NRXN1: variants seen among roughly 807,000 people sequenced by gnomAD.
NRXN1 encodes the protein neurexin-1.
NRXN1 carries 39 observed loss-of-function variants against 150.9 expected under a neutral mutation model. That is an observed-to-expected ratio of 0.26 (90% CI 0.20 to 0.34). NRXN1 has a LOEUF of 0.34. Ranked by LOEUF, NRXN1 falls within the 10% of genes least tolerant of loss-of-function variation. NRXN1 has a pLI of 1.00. For missense variants in NRXN1, 1,815 were observed against 1,949.9 expected (o/e 0.93, Z 1.30); for synonymous variants, 924 against 757.0 (o/e 1.22, Z -3.62).
At chr2:50,841,289 T>C (rs952580726) in intron 5 of NRXN1, 10 of 152,538 alleles carry the variant, frequency 6.6e-5, no homozygotes, top group South Asian at 2.1e-4. Flanking sequence ...CACAGCTTTA[T>C]TGTTGAAGGA....
intron 2 of NRXN1, chr2:51,026,560 G>C: frequency 1.3e-6 from 1 of 799,442 alleles, no homozygotes; most frequent in Non-Finnish European, 2.1e-6. Context: ...TTACAACTTG[G>C]CCTCCACTAC....
chr2:50,635,686 C>T (rs1255076116), intron 5 of NRXN1, among the ~76,000 whole-genome samples: 1 of 152,186 alleles, frequency 6.6e-6, no homozygotes, highest in Admixed American at 6.5e-5. Context: ...AAGCTAACCT[C>T]TTCATTAACA....
At position 49,986,617 on chromosome 2, in the gene NRXN1, A is replaced by G. The variant is rs530213750; in HGVS notation, c.4129-42826T>C. On this transcript the variant is annotated intron_variant, in intron 21 of 22. Transcript: ENST00000401669. Reference sequence around the variant, plus strand: ...TTTTTTCTTTTTTTGTTGACATATAATAACTACATATTTATGAGATACAGA... The same window carrying G: ...TTTTTTCTTTTTTTGTTGACATATAGTAACTACATATTTATGAGATACAGA... Among the ~76,000 whole-genome samples, 135 of 152,332 alleles carry G rather than the reference A, an allele frequency of 8.9e-4. No homozygotes were observed. In the Middle Eastern group the frequency reaches 0.02, roughly 23 times the overall value.
intron 5 of NRXN1, among the ~76,000 whole-genome samples, chr2:50,722,195 A>G (rs185069655): frequency 1.3e-5 from 2 of 152,268 alleles, no homozygotes; most frequent in East Asian, 1.9e-4. Flanking sequence ...CATTTACTGC[A>G]TTATTTCTAG....
chr2:50,532,509 C>T (rs2093144253), intron 10 of NRXN1, among the ~76,000 whole-genome samples: 2 of 152,152 alleles, frequency 1.3e-5, no homozygotes, highest in Non-Finnish European at 2.9e-5. Context: ...TTTACAAAGG[C>T]TTCCTTTTAA....
chr2:49,938,600 T>G (rs1199164205), intron 22 of NRXN1, among the ~76,000 whole-genome samples: 1 of 152,176 alleles, frequency 6.6e-6, no homozygotes, highest in East Asian at 1.9e-4. Flanking sequence ...TTTAATTGAT[T>G]TGAGAGTGGC....
intron 13 of NRXN1, among the ~76,000 whole-genome samples, chr2:50,501,465 T>C (rs954337519): frequency 1.3e-5 from 2 of 150,148 alleles, no homozygotes; most frequent in Non-Finnish European, 3.0e-5. Flanking sequence ...GAGAGTGAAC[T>C]AGGGCAGTTA....
At chr2:50,916,991 T>C (rs1685299429) in intron 5 of NRXN1, 1 of 151,710 alleles carries the variant, frequency 6.6e-6, no homozygotes, top group East Asian at 1.9e-4. Flanking sequence ...GAATTCTAAA[T>C]AGTCACATAG....
intron 21 of NRXN1, among the ~76,000 whole-genome samples, chr2:50,024,609 C>T (rs907685502): frequency 6.6e-6 from 1 of 151,874 alleles, no homozygotes; most frequent in Non-Finnish European, 1.5e-5. Context: ...AGCTTTGTCA[C>T]CAGAGTAATT....
chr2:50,666,828 G>A (rs994739650), intron 5 of NRXN1, among the ~76,000 whole-genome samples: 2 of 147,732 alleles, frequency 1.4e-5, no homozygotes, highest in South Asian at 2.2e-4. Context: ...CCAAGTTCCA[G>A]AGCATAAAAT....
At chr2:50,393,369 G>T (rs2081863246) in intron 17 of NRXN1, among the ~76,000 whole-genome samples, 1 of 151,970 alleles carries the variant, frequency 6.6e-6, no homozygotes, top group Non-Finnish European at 1.5e-5. Flanking sequence ...TTATCTGCTT[G>T]CTGAAATTTG....
At chr2:50,361,902 C>T (rs1463150770) in intron 17 of NRXN1, among the ~76,000 whole-genome samples, 2 of 152,234 alleles carry the variant, frequency 1.3e-5, no homozygotes, top group East Asian at 1.9e-4. Flanking sequence ...TTATCCACCA[C>T]GATCAAGTCA....
intron 9 of NRXN1, among the ~76,000 whole-genome samples, chr2:50,551,023 A>C (rs943055092): frequency 1.8e-4 from 18 of 97,960 alleles, no homozygotes; most frequent in Middle Eastern, 5.0e-3. Flanking sequence ...AGGAAGAGGA[A>C]GAGGAAGAGG....
At chr2:50,778,090 C>T (rs569475120) in intron 5 of NRXN1, among the ~76,000 whole-genome samples, 38 of 152,122 alleles carry the variant, frequency 2.5e-4, no homozygotes, top group African/African-American at 8.7e-4. Flanking sequence ...TACACTTGAT[C>T]AGCTTCAGAG....
At chr2:50,046,779 G>A (rs1691873038) in intron 21 of NRXN1, among the ~76,000 whole-genome samples, 3 of 152,076 alleles carry the variant, frequency 2.0e-5, no homozygotes, top group African/African-American at 4.8e-5. Context: ...TATGCATAGT[G>A]CCCCAACATC....
chr2:50,131,846 T>G (rs1229895871), intron 18 of NRXN1, among the ~76,000 whole-genome samples: 1 of 152,086 alleles, frequency 6.6e-6, no homozygotes, highest in African/African-American at 2.4e-5. Context: ...ACCTAGGTAG[T>G]GGTTATCCTA....
At chr2:50,932,091 T>C (rs1687833685) in intron 2 of NRXN1, among the ~76,000 whole-genome samples, 1 of 152,008 alleles carries the variant, frequency 6.6e-6, no homozygotes, top group Non-Finnish European at 1.5e-5. Flanking sequence ...GGCCAAAAAA[T>C]ATTACTTATA....
chr2:50,187,737 T>C (rs1011602884), intron 18 of NRXN1, among the ~76,000 whole-genome samples: 4 of 152,074 alleles, frequency 2.6e-5, no homozygotes, highest in Non-Finnish European at 5.9e-5. Context: ...ATGGTTCCAT[T>C]TGTGTCCTCT....
At chr2:50,458,557 T>C (rs965424061) in intron 17 of NRXN1, among the ~76,000 whole-genome samples, 3 of 151,564 alleles carry the variant, frequency 2.0e-5, no homozygotes, top group Non-Finnish European at 4.4e-5. Context: ...ACCCCCTAAA[T>C]ATGTACAACT....
Sources: gnomAD v4.1 joint callset for allele counts (sites outside exome capture counted in the v4.1 genomes callset) on GRCh38, gnomAD v4.1.1 for gene constraint, MANE v1.5 for transcripts, NCBI Gene and HGNC (gene_info 2026-07-23, HGNC 2026-07-21) for gene names.